The following KRT19 variants were observed in gnomAD, a reference collection of about 807,000 sequenced individuals.
KRT19 encodes keratin 19.
Under a neutral mutation model 34.6 loss-of-function variants are expected in KRT19, and 21 were observed. The observed-to-expected ratio is 0.61, with a 90% CI of 0.43 to 0.87. The LOEUF (loss-of-function observed/expected upper bound fraction) is 0.87. Among genes scored for constraint, KRT19 ranks in the 40% least tolerant of loss-of-function variants. KRT19 has a pLI of 0.00. For synonymous variants in KRT19, 240 were observed against 245.8 expected, an observed-to-expected ratio of 0.98 and a Z score of 0.22; for missense variants, 514 against 545.7, an observed-to-expected ratio of 0.94 and a Z score of 0.58.
Position 41,524,226 on chromosome 17 carries a change from G to C in KRT19, c.865C>G (p.Leu289Val). The change falls in exon 5 of 6, where the codon CTC becomes GTC. Residue 289 changes from leucine to valine, a missense_variant. Physicochemically the swap from Leu to Val is conservative, Grantham distance 32. Transcript: ENST00000361566. ...GTAACCTCGGACCTGCTCATCTGGA[G>C]CTGCTCCGTGTGGCCAGCGACCTCC... is the stretch of plus-strand genomic sequence containing the variant. ...NREVAGHTEQ[L>V]QMSRSEVTDL... 6.2e-7 allele frequency: 1 copy of C among 1,614,152 alleles called. No individual in the cohort carries two copies. The highest frequency in any genetic ancestry group is 1.1e-5 in the South Asian group (1 of 91,080).
In KRT19 at chr17:41,523,675, C is replaced by A; in HGVS notation, c.*68G>T. 6.6e-7 allele frequency: 1 copy of A among 1,522,582 alleles called. No individual in the cohort carries two copies. Among genetic ancestry groups the A allele is most frequent in the Non-Finnish European group, 9.0e-7 (1 of 1,108,048 alleles). The allele number at this position is 1,522,582 out of a possible 1,614,324, so 94.3% of individuals were successfully genotyped here. The stretch of plus-strand genomic sequence containing the variant: ...GGAGAAGAGCCGGGGGTAAGGGTCC[C>A]TTCCTTCCCATCCCTCTACCCAGAA... On this transcript the variant is annotated 3_prime_UTR_variant, in exon 6 of 6. Transcript: ENST00000361566.
chr17:41,525,416 G>A, intron 1 of KRT19, 143 bp from the exon 2 acceptor site: 1 of 694,930 alleles, frequency 1.4e-6, no homozygotes, highest in Non-Finnish European at 2.6e-6. Flanking sequence ...GCCGCCCATT[G>A]GCCCGCTCTC....
intron 2 of KRT19, 63 bp from the exon 3 acceptor site, chr17:41,525,062 C>T: frequency 1.3e-6 from 2 of 1,599,008 alleles, no homozygotes; most frequent in East Asian, 4.5e-5. Context: ...ACTTCCCTAC[C>T]TCCCCAGAGT....
At position 41,523,640 on chromosome 17, in the gene KRT19, T is replaced by C. The variant is rs1905744376; in HGVS notation, c.*103A>G. The C allele has an allele frequency of 3.5e-6, 4 of 1,151,766 alleles. No individual in the cohort carries two copies. The highest frequency in any genetic ancestry group is 5.0e-6 in the Non-Finnish European group (4 of 804,622). 71.3% of individuals were successfully genotyped at this position (1,151,766 alleles called of 1,614,324 possible). A position where few individuals can be genotyped will look rare whatever the true frequency, so the allele number is the denominator to read the frequency against. On this transcript the variant is annotated 3_prime_UTR_variant, in exon 6 of 6. Coordinates refer to ENST00000361566, the MANE Select transcript of KRT19 (RefSeq NM_002276.5). The stretch of plus-strand genomic sequence containing the variant: ...CCTCCCTTGGACCATAAATTTTTAT[T>C]GGCAGGTCAGGAGAAGAGCCGGGGG...
At position 41,528,260 on chromosome 17, in the gene KRT19, C is replaced by T; in HGVS notation, c.-13G>A. On this transcript the variant is annotated 5_prime_UTR_variant, in exon 1 of 6. Transcript: ENST00000361566. ...TGTAGGAAGTCATGGCGAGGCGGAG[C>T]ACGGACGGAGCAACCCTGGTCTCAG... 1 of 1,541,656 alleles carries T rather than the reference C, an allele frequency of 6.5e-7. No homozygotes were observed. The highest frequency in any genetic ancestry group is 8.7e-7 in the Non-Finnish European group (1 of 1,153,474).
chr17:41,525,077 G>T, intron 2 of KRT19, 78 bp from the exon 3 acceptor site: 1 of 1,585,314 alleles, frequency 6.3e-7, no homozygotes, highest in Admixed American at 1.7e-5. Flanking sequence ...CAGAGTTCAG[G>T]AGTCCATAGG....
chr17:41,526,195 G>C (rs900658890), intron 1 of KRT19, among the ~76,000 whole-genome samples: 1 of 151,984 alleles, frequency 6.6e-6, no homozygotes, highest in Non-Finnish European at 1.5e-5. Context: ...AGGATGGTCT[G>C]GATCTCCTGA....
rs758912175 is a variant in KRT19, at chr17:41,523,807, T to G, written c.1139A>C (p.Tyr380Ser). The G allele has an allele frequency of 2.5e-6, 4 of 1,613,832 alleles. No individual in the cohort carries two copies. Among genetic ancestry groups the G allele is most frequent in the Non-Finnish European group, 1.7e-6 (2 of 1,179,942 alleles). Residue 380 changes from tyrosine (Y) to serine (S), a missense_variant, in exon 6 of 6, where the codon TAC becomes TCC. By Grantham distance (144) the Tyr-to-Ser change is moderately radical. Coordinates refer to ENST00000361566, the MANE Select transcript of KRT19 (RefSeq NM_002276.5). ...TTCCTGTCCCTCGAGCAGGCTGCGGTAGGTGGCAATCTCCTGCTCCAGCCG... is the reference window on the plus strand; with the variant it reads ...TTCCTGTCCCTCGAGCAGGCTGCGGGAGGTGGCAATCTCCTGCTCCAGCCG... ...KSRLEQEIAT[Y>S]RSLLEGQEDH...
chr17:41,524,318 T>C lies in KRT19; in HGVS notation c.823-50A>G, dbSNP rs1390250538. 4.3e-6 allele frequency: 7 copies of C among 1,611,486 alleles called. No homozygotes were observed. In the African/African-American group the frequency reaches 8.0e-5, roughly 18 times the overall value. On this transcript the variant is annotated intron_variant, in intron 4 of 5. Coordinates refer to ENST00000361566, the MANE Select transcript of KRT19 (RefSeq NM_002276.5). ...ATAAGCATTGAGTCAGACCTTCGCG[T>C]AGGGAACACAAAGCCCTCCCCTTCC...
chr17:41,527,909 G>A lies in KRT19; in HGVS notation c.339C>T (p.Arg113=), dbSNP rs759127550. The part of the protein sequence containing the change: ...AANGELEVKI[R]DWYQKQGPGP... ...CAGGCCCCTGCTTCTGGTACCAGTC[G>A]CGGATCTTCACCTCTAGCTCGCCGT... is the stretch of plus-strand genomic sequence containing the variant. Residue 113 remains arginine, a synonymous_variant, in exon 1 of 6, where the codon CGC becomes CGT. Transcript: ENST00000361566. The A allele has an allele frequency of 3.7e-6, 6 of 1,613,744 alleles. No individual in the cohort carries two copies. The South Asian group carries it at 4.4e-5, about 12-fold the overall frequency.
At chr17:41,524,594 G>T (rs1161853157) in intron 3 of KRT19, 54 bp from the exon 4 acceptor site, 16 of 1,584,454 alleles carry the variant, frequency 1.0e-5, no homozygotes, top group Non-Finnish European at 1.3e-5. Context: ...CACTGGGCCT[G>T]GCCCAGGTCA....
Position 41,523,654 on chromosome 17 carries a change from A to C in KRT19, c.*89T>G. 7.4e-7 allele frequency: 1 copy of C among 1,351,770 alleles called. No individual in the cohort carries two copies. The highest frequency in any genetic ancestry group is 1.0e-6 in the Non-Finnish European group (1 of 974,158). 83.7% of individuals were successfully genotyped at this position (1,351,770 alleles called of 1,614,324 possible). The stretch of plus-strand genomic sequence containing the variant: ...TAAATTTTTATTGGCAGGTCAGGAG[A>C]AGAGCCGGGGGTAAGGGTCCCTTCC... On this transcript the variant is annotated 3_prime_UTR_variant, in exon 6 of 6. Coordinates refer to ENST00000361566, the MANE Select transcript of KRT19 (RefSeq NM_002276.5).
intron 1 of KRT19, among the ~76,000 whole-genome samples, chr17:41,526,562 C>CCTTT (rs1905872319): frequency 1.4e-5 from 1 of 72,190 alleles, no homozygotes; most frequent in Admixed American, 2.5e-4. Context: ...AAGCTAATTC[C>CCTTT]TTTTTTTTTT....
chr17:41,525,151 C>A lies in KRT19; in HGVS notation c.503+40G>T, dbSNP rs571007177. Reference sequence around the variant, plus strand: ...ATTCTAAACCCCCCAACCCCTACCCCAGTCCTGGCTTCTGCAGCCCCCAGG... The same window carrying A: ...ATTCTAAACCCCCCAACCCCTACCCAAGTCCTGGCTTCTGCAGCCCCCAGG... On this transcript the variant is annotated intron_variant, in intron 2 of 5. Coordinates refer to ENST00000361566, the MANE Select transcript of KRT19 (RefSeq NM_002276.5). 6.3e-6 allele frequency: 10 copies of A among 1,581,352 alleles called. 1 individual carries two copies. The South Asian group carries it at 1.0e-4, about 16-fold the overall frequency.
rs748113786 is a variant in KRT19 at position 41,524,267 on chromosome 17, G to C, written c.824C>G (p.Thr275Ser). ...KDAEAWFTSRTEELNREVAGH... is the reference protein window; with the variant it reads ...KDAEAWFTSRSEELNREVAGH... ...AGCGACCTCCCGGTTCAATTCTTCAGTCTGCAGAGAGAGGAAGAAGAGGGA... is the reference window on the plus strand; with the variant it reads ...AGCGACCTCCCGGTTCAATTCTTCACTCTGCAGAGAGAGGAAGAAGAGGGA... The change falls in exon 5 of 6, where the codon ACT becomes AGT. Residue 275 changes from threonine (T) to serine (S), a missense_variant and splice_region_variant. Coordinates refer to ENST00000361566, the MANE Select transcript of KRT19 (RefSeq NM_002276.5). The C allele has an allele frequency of 3.7e-6, 6 of 1,613,856 alleles. No individual in the cohort carries two copies. The South Asian group carries it at 5.5e-5, about 15-fold the overall frequency.
intron 1 of KRT19, chr17:41,525,674 A>T (rs892763432): frequency 4.7e-6 from 1 of 213,168 alleles, no homozygotes; most frequent in African/African-American, 2.4e-5. Flanking sequence ...CCATTTGTTG[A>T]GTATCAATTA....
chr17:41,525,056 C>T (rs754063614), intron 2 of KRT19, 57 bp from the exon 3 acceptor site: 37 of 1,601,050 alleles, frequency 2.3e-5, no homozygotes, highest in Non-Finnish European at 2.9e-5. Flanking sequence ...CTGAAGACTT[C>T]CCTACCTCCC....
Position 41,524,274 on chromosome 17 carries a change from G to A in KRT19, c.823-6C>T, listed in dbSNP as rs1437026945. On this transcript the variant is annotated splice_region_variant and splice_polypyrimidine_tract_variant and intron_variant, in intron 4 of 5. Coordinates refer to ENST00000361566, the MANE Select transcript of KRT19 (RefSeq NM_002276.5). The stretch of plus-strand genomic sequence containing the variant: ...TCCCGGTTCAATTCTTCAGTCTGCA[G>A]AGAGAGGAAGAAGAGGGAATAAGCA... 2 of 1,613,538 alleles carry A rather than the reference G, an allele frequency of 1.2e-6. No individual in the cohort carries two copies. The highest frequency in any genetic ancestry group is 2.7e-5 in the African/African-American group (2 of 74,884).
rs1235889267 is a variant in KRT19, at chr17:41,524,411, G to A, written c.790C>T (p.Arg264Trp). 9 of 1,614,186 alleles carry A rather than the reference G, an allele frequency of 5.6e-6. No individual in the cohort carries two copies. The highest frequency in any genetic ancestry group is 4.0e-5 in the African/African-American group (3 of 75,046). ...SQYEVMAEQN[R>W]KDAEAWFTSR... ...GTGAACCAGGCTTCAGCATCCTTCC[G>A]GTTCTGCTCGGCCATGACCTCATAT... The change falls in exon 4 of 6, where the codon CGG (arginine) becomes TGG (tryptophan). Residue 264 changes from arginine to tryptophan, a missense_variant. Transcript: ENST00000361566.
Sources: allele counts gnomAD v4.1 joint callset (sites outside exome capture counted in the v4.1 genomes callset), GRCh38; gene constraint gnomAD v4.1.1; transcripts MANE v1.5; gene names NCBI Gene and HGNC (gene_info 2026-07-23, HGNC 2026-07-21).